SH3TC1: variants seen among roughly 807,000 people sequenced by gnomAD.
SH3TC1 encodes SH3 domain and tetratricopeptide repeats 1.
SH3TC1 carries 135 observed loss-of-function variants against 117.3 expected under a neutral mutation model. The ratio of observed to expected loss-of-function variants is 1.15; its 90% CI spans 1.00 to 1.33. The LOEUF (loss-of-function observed/expected upper bound fraction) is 1.33. SH3TC1 is among the 40% of genes most tolerant of loss of function. The pLI is 0.00. For missense variants in SH3TC1, 2,092 were observed against 1,794.3 expected (o/e 1.17, Z -3.00); for synonymous variants, 898 against 816.9 (o/e 1.10, Z -1.69).
rs1031945420 is a variant in SH3TC1, at chr4:8,183,299, G to C, written c.-57+1089G>C. Among the ~76,000 whole-genome samples, 3 of 152,192 alleles carry C rather than the reference G, an allele frequency of 2.0e-5. No individual in the cohort carries two copies. The highest frequency in any genetic ancestry group is 7.2e-5 in the African/African-American group (3 of 41,452). ...GGTGGCAGGACTGGCTGAGGACCAC[G>C]GCAGGTCACGCCTGGGGCTAGGATG... On this transcript the variant is annotated intron_variant, in intron 1 of 16. Coordinates refer to the SH3TC1 transcript ENST00000508641. This position sits in a 1 kb window ranked among gnomAD's most constrained non-coding sequence, Gnocchi z 5.4.
Position 8,225,671 on chromosome 4 carries a change from A to G in SH3TC1, c.1285+455A>G, listed in dbSNP as rs1321550670. 2.0e-5 allele frequency among the ~76,000 whole-genome samples: 3 copies of G among 152,084 alleles called. No homozygotes were observed. Among genetic ancestry groups the G allele is most frequent in the Non-Finnish European group, 4.4e-5 (3 of 68,016 alleles). ...CTGCTCCTTCCTGAGGGGCTGATTG[A>G]GGGAGACCCTTCCATCTCCCCTCTA... is the stretch of plus-strand genomic sequence containing the variant. On this transcript the variant is annotated intron_variant, in intron 11 of 17. Coordinates refer to ENST00000245105, the MANE Select transcript of SH3TC1 (RefSeq NM_018986.5). This position sits in a 1 kb window ranked among gnomAD's most constrained non-coding sequence, Gnocchi z 5.5.
chr4:8,195,935 G>A (rs1245791487), upstream of SH3TC1, among the ~76,000 whole-genome samples: 2 of 152,182 alleles, frequency 1.3e-5, no homozygotes, highest in Non-Finnish European at 2.9e-5. Context: ...TCTGAGCAGG[G>A]GCACAGGGCA....
At position 8,190,985 on chromosome 4, in the gene SH3TC1, G is replaced by GT. The variant is rs1449153864; in HGVS notation, c.-57+8779dup. Among the ~76,000 whole-genome samples the GT allele has an allele frequency of 6.6e-6, 1 of 152,142 alleles. No individual in the cohort carries two copies. The highest frequency in any genetic ancestry group is 2.4e-5 in the African/African-American group (1 of 41,418). ...CCTCTCCGCACCTCTGTTCCTTGTG[G>GT]TTTTAAAGGTGGAGATGCTGAGGAC... On this transcript the variant is annotated intron_variant, in intron 1 of 16. Transcript: ENST00000508641. The surrounding 1 kb of genome is among the most constrained non-coding windows in gnomAD (Gnocchi z 4.7).
In SH3TC1 at chr4:8,227,687, G is replaced by A; in HGVS notation, c.1993G>A (p.Ala665Thr). 1.3e-6 allele frequency: 2 copies of A among 1,551,890 alleles called. No homozygotes were observed. Among genetic ancestry groups the A allele is most frequent in the Non-Finnish European group, 1.7e-6 (2 of 1,147,678 alleles). The part of the protein sequence containing the change: ...AVGGQSLQAE[A>T]RACFLLARHH... ...GGGTGGCCAGAGCCTGCAGGCCGAGGCCCGGGCCTGCTTCCTGCTGGCCAG... is the reference window on the plus strand; with the variant it reads ...GGGTGGCCAGAGCCTGCAGGCCGAGACCCGGGCCTGCTTCCTGCTGGCCAG... The change falls in exon 12 of 18, where the codon GCC (alanine) becomes ACC (threonine). Residue 665 changes from alanine (A) to threonine (T), a missense_variant. By Grantham distance (58) the Ala-to-Thr change is moderately conservative (BLOSUM62 0). Transcript: ENST00000245105.
At chr4:8,199,941 C>T (rs1388976720) in intron 1 of SH3TC1, among the ~76,000 whole-genome samples, 1 of 152,238 alleles carries the variant, frequency 6.6e-6, no homozygotes, top group African/African-American at 2.4e-5. Context: ...CCAGGGGCTT[C>T]AGCCTGAAAA....
In SH3TC1 at chr4:8,183,578, C is replaced by T. The variant is rs896322591; in HGVS notation, c.-57+1368C>T. ...AAAAGTTCATCAAACTTGTTCCACC[C>T]TACAGGGACTTTTTGTTTGTTTTTC... is the stretch of plus-strand genomic sequence containing the variant. On this transcript the variant is annotated intron_variant, in intron 1 of 16. Transcript: ENST00000508641. This position sits in a 1 kb window ranked among gnomAD's most constrained non-coding sequence, Gnocchi z 5.4. 4.6e-5 allele frequency among the ~76,000 whole-genome samples: 7 copies of T among 152,218 alleles called. No homozygotes were observed. Among genetic ancestry groups the T allele is most frequent in the Admixed American group, 4.6e-4 (7 of 15,280 alleles).
At chr4:8,233,747 CCATCCATCCAT>C (rs1176165295) in intron 14 of SH3TC1, among the ~76,000 whole-genome samples, 1 of 51,382 alleles carries the variant, frequency 1.9e-5, no homozygotes, top group East Asian at 7.6e-4. Context: ...GTTCATCCAT[CCATCCATCCAT>C]CATCCATCCA....
At chr4:8,234,990 C>A (rs1195855125) in intron 14 of SH3TC1, among the ~76,000 whole-genome samples, 1 of 152,226 alleles carries the variant, frequency 6.6e-6, no homozygotes, top group Non-Finnish European at 1.5e-5. Flanking sequence ...CTGCTGTATA[C>A]TTCCTTGAGC....
Position 8,240,926 on chromosome 4 carries a change from C to T in SH3TC1, c.3982C>T (p.Pro1328Ser). 2 of 1,611,804 alleles carry T rather than the reference C, an allele frequency of 1.2e-6. No individual in the cohort carries two copies. Among genetic ancestry groups the T allele is most frequent in the Non-Finnish European group, 1.7e-6 (2 of 1,179,972 alleles). ...TCCTCTGCCACTCTGCGGGTGGGCC[C>T]CCTGGTTGGCCCCCAGCCACCCTCG... ...LPPLPLCGWA[P>S]WLAPSHPR The change falls in exon 18 of 18, where the codon CCC (proline) becomes TCC (serine). Residue 1328 changes from proline to serine, a missense_variant. Pro to Ser is a moderately conservative substitution (Grantham distance 74). Transcript: ENST00000245105.
At chr4:8,194,362 G>A (rs889358367), upstream of SH3TC1, among the ~76,000 whole-genome samples, 5 of 152,180 alleles carry the variant, frequency 3.3e-5, no homozygotes, top group African/African-American at 7.2e-5. Context: ...GCGCACTCGC[G>A]TTTCCCAGGC....
rs772081604 is a variant in SH3TC1 at position 8,228,323 on chromosome 4, G to A, written c.2629G>A (p.Gly877Ser). 3.1e-6 allele frequency: 5 copies of A among 1,611,922 alleles called. No homozygotes were observed. The highest frequency in any genetic ancestry group is 2.5e-6 in the Non-Finnish European group (3 of 1,179,910). Reference protein sequence around the residue: ...NMVAVALKRTGRTRQAAESYY... With the variant: ...NMVAVALKRTSRTRQAAESYY... ...GGTGGCCGTGGCTCTGAAGAGGACGGGCCGGACGAGGCAGGCAGCTGAGAG... is the reference window on the plus strand; with the variant it reads ...GGTGGCCGTGGCTCTGAAGAGGACGAGCCGGACGAGGCAGGCAGCTGAGAG... Residue 877 changes from glycine to serine, a missense_variant, in exon 12 of 18, where the codon GGC (glycine) becomes AGC (serine). Transcript: ENST00000245105.
chr4:8,212,288 A>G (rs971644700), intron 3 of SH3TC1, among the ~76,000 whole-genome samples: 2 of 150,786 alleles, frequency 1.3e-5, no homozygotes, highest in Non-Finnish European at 2.9e-5. Context: ...GGAGCTTGCT[A>G]AGTGCGGCTG....
chr4:8,232,714 T>A (rs1721357960), intron 13 of SH3TC1: 4 of 1,289,970 alleles, frequency 3.1e-6, no homozygotes, highest in Non-Finnish European at 4.0e-6. Context: ...CAGGGCCCAG[T>A]GACATTGCTG....
intron 1 of SH3TC1, among the ~76,000 whole-genome samples, chr4:8,202,719 G>A (rs1170824053): frequency 6.6e-6 from 1 of 152,210 alleles, no homozygotes; most frequent in East Asian, 1.9e-4. Flanking sequence ...TGCACTCTGA[G>A]CATCCCCAGG....
Position 8,192,288 on chromosome 4 carries a change from G to A in SH3TC1, c.-57+10078G>A, listed in dbSNP as rs1328317992. Among the ~76,000 whole-genome samples, 1 of 151,684 alleles carries A rather than the reference G, an allele frequency of 6.6e-6. No individual in the cohort carries two copies. Among genetic ancestry groups the A allele is most frequent in the Non-Finnish European group, 1.5e-5 (1 of 67,946 alleles). ...TGGGATTACAGGCGTGAGCCACTGCGCCCGGCCCTCAGTCACCTTTAAAAT... is the reference window on the plus strand; with the variant it reads ...TGGGATTACAGGCGTGAGCCACTGCACCCGGCCCTCAGTCACCTTTAAAAT... On this transcript the variant is annotated intron_variant, in intron 1 of 16. Coordinates refer to the SH3TC1 transcript ENST00000508641. The surrounding 1 kb of genome is among the most constrained non-coding windows in gnomAD (Gnocchi z 4.1).
At position 8,209,507 on chromosome 4, in the gene SH3TC1, A is replaced by T; in HGVS notation, c.173-241A>T. 1.3e-6 allele frequency: 1 copy of T among 762,414 alleles called. No individual in the cohort carries two copies. The highest frequency in any genetic ancestry group is 1.7e-5 in the South Asian group (1 of 57,364). The allele number at this position is 762,414 out of a possible 1,614,324, so 47.2% of individuals were successfully genotyped here. A position where few individuals can be genotyped will look rare whatever the true frequency, so the allele number is the denominator to read the frequency against. On this transcript the variant is annotated intron_variant, in intron 2 of 17. Transcript: ENST00000245105. This position sits in a 1 kb window ranked among gnomAD's most constrained non-coding sequence, Gnocchi z 5.9. ...AACTTGAGAGCGGCGGGATCATACG[A>T]GTCGTGTGGTCTTAAGCCTCTGAGT...
intron 14 of SH3TC1, among the ~76,000 whole-genome samples, chr4:8,233,797 TCGTCCTTCCATCCATCCATCATC>T (rs1482538614): frequency 2.3e-5 from 3 of 130,392 alleles, no homozygotes; most frequent in African/African-American, 9.0e-5. Context: ...ATTCACCTGT[TCGTCCTTCCATCCATCCATCATC>T]CGTCCATCCA....
chr4:8,185,430 A>G (rs1415595650), intron 1 of SH3TC1, among the ~76,000 whole-genome samples: 1 of 152,008 alleles, frequency 6.6e-6, no homozygotes, highest in African/African-American at 2.4e-5. Context: ...TCATCACAGC[A>G]TCATCCAGAA....
rs542825994 is a variant in SH3TC1 at position 8,228,656 on chromosome 4, A to G, written c.2950+12A>G. 1.4e-5 allele frequency: 21 copies of G among 1,463,450 alleles called. No homozygotes were observed. The highest frequency in any genetic ancestry group is 1.5e-5 in the Non-Finnish European group (17 of 1,108,402). The allele number at this position is 1,463,450 out of a possible 1,614,324, so 90.7% of individuals were successfully genotyped here. ...GGGCCACGTGGAGAGTGAGTGCCCC[A>G]GTTCCTTCTGTGTGCCTTCCGGGGC... On this transcript the variant is annotated intron_variant, in intron 12 of 17. Coordinates refer to ENST00000245105, the MANE Select transcript of SH3TC1 (RefSeq NM_018986.5).
Sources: allele counts gnomAD v4.1 joint callset (sites outside exome capture counted in the v4.1 genomes callset), GRCh38; gene constraint gnomAD v4.1.1; non-coding constraint Gnocchi (gnomAD v3.1); transcripts MANE v1.5; gene names NCBI Gene and HGNC (gene_info 2026-07-23, HGNC 2026-07-21).